BLK: variants seen among roughly 807,000 people sequenced by gnomAD.
BLK encodes the protein tyrosine-protein kinase Blk.
Under a neutral mutation model 61.8 loss-of-function variants are expected in BLK, and 64 were observed. The ratio of observed to expected loss-of-function variants is 1.03; its 90% CI spans 0.85 to 1.27. The LOEUF is 1.27. Among genes scored for constraint, BLK ranks in the 50% most tolerant of loss-of-function variants. The probability of loss-of-function intolerance (pLI) is 0.00; values close to 1 mark genes in which losing one functional copy is unlikely to be tolerated. For synonymous variants in BLK, 351 were observed against 272.0 expected (o/e 1.29, Z -2.86); for missense variants, 853 against 660.5 (o/e 1.29, Z -3.19).
At chr8:11,518,055 T>A (rs918310090) in intron 1 of BLK, among the ~76,000 whole-genome samples, 2 of 152,126 alleles carry the variant, frequency 1.3e-5, no homozygotes, top group South Asian at 4.2e-4. Context: ...CAGAGCTCAC[T>A]CTGCAGAAGA....
At chr8:11,553,440 C>T (rs547283112) in intron 6 of BLK, 3 of 430,470 alleles carry the variant, frequency 7.0e-6, no homozygotes, top group African/African-American at 2.0e-5. Context: ...ACAAAGGACA[C>T]CAAATTGTCA....
chr8:11,496,020 G>C (rs1052529146), intron 1 of BLK, among the ~76,000 whole-genome samples: 4 of 152,142 alleles, frequency 2.6e-5, no homozygotes, highest in African/African-American at 9.7e-5. Flanking sequence ...GAGCATTCTT[G>C]GGAAAACTGG....
chr8:11,523,265 A>T (rs1470440599), intron 1 of BLK, among the ~76,000 whole-genome samples: 1 of 152,254 alleles, frequency 6.6e-6, no homozygotes. Context: ...ATACAAACAC[A>T]AAGTTCAGTT....
At position 11,557,736 on chromosome 8, in the gene BLK, G is replaced by T. The variant is rs17153457; in HGVS notation, c.953-226G>T. On this transcript the variant is annotated intron_variant, in intron 9 of 12. Transcript: ENST00000259089. ...CACCTGGCTGAAACCTAACTTCTGG[G>T]CAACTGCTGGTATATTGGCTGCCTC... Among the ~76,000 whole-genome samples, 1,686 of 152,244 alleles carry T rather than the reference G, an allele frequency of 0.011. 21 individuals carry two copies. The highest frequency in any genetic ancestry group is 0.038 in the African/African-American group (1,580 of 41,526).
chr8:11,542,591 T>G (rs2117443987), intron 1 of BLK, among the ~76,000 whole-genome samples: 1 of 152,320 alleles, frequency 6.6e-6, no homozygotes, highest in East Asian at 1.9e-4. Context: ...GTCCCACATC[T>G]GCCATCCTAA....
intron 1 of BLK, among the ~76,000 whole-genome samples, chr8:11,539,490 A>C (rs185841701): frequency 4.5e-4 from 68 of 152,336 alleles, no homozygotes; most frequent in South Asian, 4.4e-3. Flanking sequence ...TACTACAACA[A>C]ACATTTTCAT....
chr8:11,502,410 T>A (rs894418730), intron 1 of BLK, among the ~76,000 whole-genome samples: 7 of 152,096 alleles, frequency 4.6e-5, no homozygotes, highest in Non-Finnish European at 7.4e-5. Context: ...TTTAAGGGAT[T>A]CTCCTGCCTC....
At chr8:11,548,194 C>G in intron 4 of BLK, 69 bp downstream of exon 4, 1 of 1,319,266 alleles carries the variant, frequency 7.6e-7, no homozygotes, top group Non-Finnish European at 1.1e-6. Context: ...CTTTCTCCAC[C>G]CACCACATCC....
chr8:11,516,254 G>A (rs1799221150), intron 1 of BLK, among the ~76,000 whole-genome samples: 1 of 152,194 alleles, frequency 6.6e-6, no homozygotes, highest in Non-Finnish European at 1.5e-5. Flanking sequence ...AGAGCCTGAC[G>A]TCTTTCTCAC....
chr8:11,561,867 G>A (rs1801517914), intron 11 of BLK, among the ~76,000 whole-genome samples: 1 of 150,480 alleles, frequency 6.6e-6, no homozygotes, highest in African/African-American at 2.4e-5. Flanking sequence ...CACCCAGGCT[G>A]GAGTGCAGTG....
At chr8:11,540,587 G>C (rs1036565820) in intron 1 of BLK, among the ~76,000 whole-genome samples, 2 of 152,056 alleles carry the variant, frequency 1.3e-5, no homozygotes, top group Non-Finnish European at 2.9e-5. Context: ...AGAGAACAGA[G>C]TATAATAATT....
chr8:11,501,164 G>A (rs113341809), intron 1 of BLK, among the ~76,000 whole-genome samples: 95 of 152,166 alleles, frequency 6.2e-4, no homozygotes, highest in African/African-American at 2.0e-3. Context: ...TGAGACTGCC[G>A]CTGCACTCCA....
Position 11,543,194 on chromosome 8 carries a change from T to C in BLK, c.-1-30T>C, listed in dbSNP as rs749709978. The stretch of plus-strand genomic sequence containing the variant: ...GAGGATCTGAGGCCCCGCTCTCTCA[T>C]GTCCTCTGTCTGCTGTGTGTCTCCG... On this transcript the variant is annotated intron_variant, in intron 1 of 12. Coordinates refer to ENST00000259089, the MANE Select transcript of BLK (RefSeq NM_001715.3). 3.7e-6 allele frequency: 6 copies of C among 1,613,270 alleles called. No individual in the cohort carries two copies. In the South Asian group the frequency reaches 4.4e-5, roughly 12 times the overall value.
chr8:11,555,591 T>C (rs1801171507), intron 8 of BLK, 107 bp downstream of exon 8: 1 of 1,533,382 alleles, frequency 6.5e-7, no homozygotes, highest in Non-Finnish European at 8.9e-7. Context: ...CCCAGAAGTC[T>C]TGAGAGGGAG....
intron 6 of BLK, among the ~76,000 whole-genome samples, chr8:11,551,663 T>C (rs1800912494): frequency 6.6e-6 from 1 of 152,232 alleles, no homozygotes; most frequent in Non-Finnish European, 1.5e-5. Context: ...AAGTTAGCCA[T>C]TCTCATGTTG....
intron 1 of BLK, among the ~76,000 whole-genome samples, chr8:11,532,674 A>G (rs1328111191): frequency 1.3e-5 from 2 of 152,158 alleles, no homozygotes; most frequent in African/African-American, 4.8e-5. Context: ...GCACTAGTCT[A>G]CTAATATCAA....
intron 1 of BLK, among the ~76,000 whole-genome samples, chr8:11,532,346 G>A (rs765141448): frequency 1.3e-4 from 19 of 146,022 alleles, no homozygotes; most frequent in South Asian, 2.2e-4. Context: ...TTACAGGCAC[G>A]CAGCACCATG....
At chr8:11,531,193 A>G (rs1194096285) in intron 1 of BLK, among the ~76,000 whole-genome samples, 1 of 152,206 alleles carries the variant, frequency 6.6e-6, no homozygotes, top group African/African-American at 2.4e-5. Flanking sequence ...TATAGAGTTT[A>G]AAAGTTAATT....
intron 6 of BLK, among the ~76,000 whole-genome samples, chr8:11,553,827 G>T (rs1166960935): frequency 1.3e-5 from 2 of 152,198 alleles, no homozygotes; most frequent in Non-Finnish European, 1.5e-5. Flanking sequence ...ATGGAAGGGG[G>T]TTGAGGCAGG....
Sources: gnomAD v4.1 joint callset for allele counts (sites outside exome capture counted in the v4.1 genomes callset) on GRCh38, gnomAD v4.1.1 for gene constraint, MANE v1.5 for transcripts, NCBI Gene and HGNC (gene_info 2026-07-23, HGNC 2026-07-21) for gene names.